USP33: variants seen among roughly 807,000 people sequenced by gnomAD.
USP33 encodes the protein ubiquitin specific peptidase 33.
In USP33, 46 loss-of-function variants were observed where a neutral mutation model predicts 124.2. The ratio of observed to expected loss-of-function variants is 0.37; its 90% CI spans 0.29 to 0.47. The LOEUF is 0.47. Ranked by LOEUF, USP33 falls within the 20% of genes least tolerant of loss-of-function variation. The pLI, the probability that USP33 is intolerant of heterozygous loss-of-function variation, is 0.99. For synonymous variants in USP33, 350 were observed against 352.3 expected, an observed-to-expected ratio of 0.99 and a Z score of 0.07; for missense variants, 851 against 1,070.6, an observed-to-expected ratio of 0.79 and a Z score of 2.86.
chr1:77,712,770 A>T (rs1675411085), intron 20 of USP33, among the ~76,000 whole-genome samples: 1 of 152,054 alleles, frequency 6.6e-6, no homozygotes, highest in South Asian at 2.1e-4. Context: ...AAGTGAGAGG[A>T]CCACTGGAGC....
chr1:77,758,668 A>G (rs923163520), intron 1 of USP33, among the ~76,000 whole-genome samples: 3 of 152,230 alleles, frequency 2.0e-5, no homozygotes, highest in African/African-American at 7.2e-5. Context: ...CGATAATGTG[A>G]CTTGGTCAGA....
intron 4 of USP33, among the ~76,000 whole-genome samples, chr1:77,740,063 G>A (rs938398479): frequency 1.3e-5 from 2 of 152,306 alleles, no homozygotes. Context: ...ATGCTGTAGA[G>A]GTATCAATGT....
chr1:77,736,190 C>G, intron 5 of USP33, 32 bp from the exon 6 acceptor site: 1 of 1,458,672 alleles, frequency 6.9e-7, no homozygotes, highest in Non-Finnish European at 9.4e-7. Context: ...CACACTTGAA[C>G]AAATCCTTAA....
Position 77,697,349 on chromosome 1 carries a change from C to A in USP33, c.2704G>T (p.Glu902Ter). ...HVDPDILQAE[E>*]KIEVETRSL ...GACCGAGTTTCTACTTCAATTTTTT[C>A]TTCTGCTTGAAGTATATCTGGATCA... The change falls in exon 24 of 24, where the codon GAA becomes TAA. Residue 902 changes from glutamate (E) to a stop codon, truncating the protein, a stop_gained. Coordinates refer to ENST00000370794, the MANE Select transcript of USP33 (RefSeq NM_201624.3). LOFTEE classifies it high-confidence loss of function. 3 of 1,602,658 alleles carry A rather than the reference C, an allele frequency of 1.9e-6. No individual in the cohort carries two copies. The highest frequency in any genetic ancestry group is 4.5e-5 in the East Asian group (2 of 44,752).
chr1:77,697,706 TAA>T, intron 23 of USP33, 155 bp downstream of exon 23: 1 of 911,930 alleles, frequency 1.1e-6, no homozygotes, highest in Non-Finnish European at 1.6e-6. Context: ...TTTCCTCAGA[TAA>T]AAAAAAAGTG....
rs1240098515 is a variant in USP33, at chr1:77,728,336, T to C, written c.1094A>G (p.Asn365Ser). The C allele has an allele frequency of 1.2e-6, 2 of 1,605,744 alleles. No homozygotes were observed. Among genetic ancestry groups the C allele is most frequent in the Non-Finnish European group, 1.7e-6 (2 of 1,177,416 alleles). Residue 365 changes from asparagine to serine, a missense_variant, in exon 10 of 24, where the codon AAC (asparagine) becomes AGC (serine). Asn to Ser is a conservative substitution (Grantham distance 46). Transcript: ENST00000370794. The stretch of plus-strand genomic sequence containing the variant: ...TATTTGCACTTTGACAGTTTCCTGG[T>C]TGTTTAAGTCGACTGTTTCAGATAT... ...DSISETVDLNNQETVKVQIHS... is the reference protein window; with the variant it reads ...DSISETVDLNSQETVKVQIHS...
chr1:77,741,770 C>T (rs770786401), intron 1 of USP33, 22 bp from the exon 2 acceptor site: 44 of 1,500,104 alleles, frequency 2.9e-5, no homozygotes, highest in Non-Finnish European at 3.8e-5. Context: ...GTAACACACA[C>T]AAAAAAATTA....
intron 8 of USP33, 138 bp from the exon 9 acceptor site, chr1:77,730,076 A>G: frequency 1.3e-6 from 1 of 754,788 alleles, no homozygotes; most frequent in Non-Finnish European, 2.1e-6. Context: ...GCCTAATATT[A>G]TGTTTCACAG....
chr1:77,727,038 C>G (rs1018069499), intron 10 of USP33, among the ~76,000 whole-genome samples: 1 of 152,160 alleles, frequency 6.6e-6, no homozygotes, highest in African/African-American at 2.4e-5. Flanking sequence ...ATTTTTCACA[C>G]AGGCATTTCT....
intron 21 of USP33, among the ~76,000 whole-genome samples, chr1:77,705,636 T>C (rs1232273970): frequency 6.6e-6 from 1 of 151,206 alleles, no homozygotes; most frequent in Non-Finnish European, 1.5e-5. Flanking sequence ...TAGCAAGGCA[T>C]AAGCCACCTT....
At chr1:77,699,527 G>A (rs527893291) in intron 22 of USP33, among the ~76,000 whole-genome samples, 2 of 150,806 alleles carry the variant, frequency 1.3e-5, no homozygotes, top group South Asian at 2.1e-4. Flanking sequence ...AAAAAAAAGA[G>A]AGAGTCAAGA....
chr1:77,715,692 A>G (rs779403218), intron 18 of USP33, 50 bp downstream of exon 18: 1 of 1,588,612 alleles, frequency 6.3e-7, no homozygotes. Flanking sequence ...GTCACTGATA[A>G]GCCCAAAATG....
At chr1:77,713,357 T>A (rs1056622886) in intron 19 of USP33, 76 bp from the exon 20 acceptor site, 1 of 1,082,758 alleles carries the variant, frequency 9.2e-7, no homozygotes, top group Non-Finnish European at 1.3e-6. Context: ...ATTTTTTTTT[T>A]AACAGTAACT....
intron 5 of USP33, 85 bp from the exon 6 acceptor site, chr1:77,736,243 C>A: frequency 1.3e-6 from 1 of 768,120 alleles, no homozygotes; most frequent in Non-Finnish European, 2.0e-6. Context: ...ACATCTATAC[C>A]ATAAAAATTA....
chr1:77,731,852 C>A (rs999841968), intron 7 of USP33, among the ~76,000 whole-genome samples: 1 of 152,156 alleles, frequency 6.6e-6, no homozygotes, highest in African/African-American at 2.4e-5. Flanking sequence ...GCCTGTAATT[C>A]CAATACTTTG....
At chr1:77,734,305 A>T in intron 7 of USP33, 42 bp downstream of exon 7, 2 of 1,443,236 alleles carry the variant, frequency 1.4e-6, no homozygotes, top group Admixed American at 2.2e-5. Context: ...AAAATAACTT[A>T]AAAAATTATA....
chr1:77,716,856 A>G (rs925620196), intron 17 of USP33, among the ~76,000 whole-genome samples: 1 of 150,434 alleles, frequency 6.6e-6, no homozygotes, highest in Non-Finnish European at 1.5e-5. Context: ...TAGAAAACAT[A>G]TTCTTTTTTT....
rs191919556 is a variant in USP33 at position 77,749,455 on chromosome 1, C to T, written c.-51-7707G>A. Among the ~76,000 whole-genome samples the T allele has an allele frequency of 2.3e-3, 344 of 151,798 alleles. 2 individuals carry two copies. The highest frequency in any genetic ancestry group is 4.1e-3 in the Admixed American group (63 of 15,232). On this transcript the variant is annotated intron_variant, in intron 1 of 23. Transcript: ENST00000370794. ...GGAGTGCAGTGGTACAATCTTGGCT[C>T]ACTGCAACCTCCACCTCCCAGGTTC...
At chr1:77,722,334 G>T in intron 12 of USP33, 138 bp from the exon 13 acceptor site, 3 of 767,640 alleles carry the variant, frequency 3.9e-6, no homozygotes, top group South Asian at 2.2e-5. Flanking sequence ...CACGCAAATT[G>T]AACTGCTTTC....
Sources: gnomAD v4.1 joint callset for allele counts (sites outside exome capture counted in the v4.1 genomes callset) on GRCh38, gnomAD v4.1.1 for gene constraint, MANE v1.5 for transcripts, NCBI Gene and HGNC (gene_info 2026-07-23, HGNC 2026-07-21) for gene names.